The following ATP2C1 variants were observed in gnomAD, a reference collection of about 807,000 sequenced individuals.
The protein encoded by ATP2C1 is calcium-transporting ATPase type 2C member 1.
Under a neutral mutation model 120.5 loss-of-function variants are expected in ATP2C1, and 31 were observed. The observed-to-expected ratio is 0.26, with a 90% CI of 0.19 to 0.35. The LOEUF is 0.35. ATP2C1 is among the 10% of genes least tolerant of loss of function. The probability of loss-of-function intolerance (pLI) is 1.00; values close to 1 mark genes in which losing one functional copy is unlikely to be tolerated. For synonymous variants in ATP2C1, 351 were observed against 358.7 expected, an observed-to-expected ratio of 0.98 and a Z score of 0.24; for missense variants, 731 against 1,107.5, an observed-to-expected ratio of 0.66 and a Z score of 4.83.
chr3:130,969,775 A>G (rs941040329), intron 17 of ATP2C1, among the ~76,000 whole-genome samples: 1 of 152,164 alleles, frequency 6.6e-6, no homozygotes, highest in African/African-American at 2.4e-5. Flanking sequence ...GGAATGTCTT[A>G]TCTTTAGAAC....
intron 26 of ATP2C1, among the ~76,000 whole-genome samples, chr3:131,008,158 C>T (rs900563047): frequency 6.6e-6 from 1 of 152,086 alleles, no homozygotes; most frequent in African/African-American, 2.4e-5. Flanking sequence ...GAAACTATGG[C>T]CAGGCATGGT....
intron 2 of ATP2C1, among the ~76,000 whole-genome samples, chr3:130,924,462 T>C (rs1049385569): frequency 6.6e-6 from 1 of 152,204 alleles, no homozygotes; most frequent in Non-Finnish European, 1.5e-5. Context: ...TGATAGGTTT[T>C]TCTTTATAGG....
chr3:130,872,915 C>A (rs1238490523), intron 1 of ATP2C1, among the ~76,000 whole-genome samples: 1 of 152,028 alleles, frequency 6.6e-6, no homozygotes, highest in Non-Finnish European at 1.5e-5. Context: ...AGAAGATAAA[C>A]CCAAGGGATT....
intron 2 of ATP2C1, among the ~76,000 whole-genome samples, chr3:130,897,852 T>C (rs1459053645): frequency 1.3e-5 from 2 of 152,192 alleles, no homozygotes; most frequent in Non-Finnish European, 2.9e-5. Context: ...ATTTTTGGAC[T>C]ACTTAACATT....
At chr3:130,921,273 G>A (rs994616713) in intron 2 of ATP2C1, among the ~76,000 whole-genome samples, 1 of 151,698 alleles carries the variant, frequency 6.6e-6, no homozygotes, top group Non-Finnish European at 1.5e-5. Flanking sequence ...GTAGAGATGG[G>A]GTTTCACCAT....
intron 26 of ATP2C1, chr3:131,015,863 C>A: frequency 4.0e-6 from 2 of 499,134 alleles, no homozygotes; most frequent in Non-Finnish European, 7.3e-6. Context: ...CCAATGATTG[C>A]CTCCCCTCTC....
chr3:130,853,987 A>T (rs1406727969), intron 1 of ATP2C1, among the ~76,000 whole-genome samples: 1 of 152,178 alleles, frequency 6.6e-6, no homozygotes, highest in African/African-American at 2.4e-5. Flanking sequence ...CCTTGTTCAC[A>T]TATGCTTTAT....
intron 2 of ATP2C1, among the ~76,000 whole-genome samples, chr3:130,922,818 G>A (rs1033894071): frequency 2.6e-5 from 4 of 152,154 alleles, no homozygotes; most frequent in African/African-American, 9.7e-5. Context: ...TGGTCAGAGA[G>A]GATACTTCAT....
intron 2 of ATP2C1, among the ~76,000 whole-genome samples, chr3:130,929,067 A>G (rs2059339698): frequency 6.6e-6 from 1 of 152,172 alleles, no homozygotes; most frequent in Non-Finnish European, 1.5e-5. Context: ...CTAAGTTTTT[A>G]CATTTCTTAA....
chr3:130,930,642 C>A, intron 3 of ATP2C1, 116 bp downstream of exon 3: 1 of 763,702 alleles, frequency 1.3e-6, no homozygotes, highest in Non-Finnish European at 2.3e-6. Flanking sequence ...CTGTTCTGTG[C>A]CATTCAGCAT....
At chr3:131,001,083 A>G (rs902362059) in intron 27 of ATP2C1, 137 bp from the exon 28 acceptor site, 1 of 683,232 alleles carries the variant, frequency 1.5e-6, no homozygotes, top group Non-Finnish European at 2.3e-6. Context: ...AGCCTGGGTG[A>G]CAGAGCAAGA....
chr3:130,885,453 A>AT (rs2068942928), intron 1 of ATP2C1, among the ~76,000 whole-genome samples: 1 of 148,626 alleles, frequency 6.7e-6, no homozygotes, highest in Admixed American at 6.7e-5. Flanking sequence ...AGTGAAGGTG[A>AT]TTTTCTCTGG....
At chr3:130,917,762 TTGAC>T (rs1225288509) in intron 2 of ATP2C1, among the ~76,000 whole-genome samples, 3 of 152,256 alleles carry the variant, frequency 2.0e-5, no homozygotes, top group Non-Finnish European at 4.4e-5. Flanking sequence ...CTTATTCATC[TTGAC>T]TGACTGAAAC....
intron 13 of ATP2C1, among the ~76,000 whole-genome samples, chr3:130,964,609 T>A (rs1174854821): frequency 1.3e-5 from 2 of 152,034 alleles, no homozygotes; most frequent in African/African-American, 4.8e-5. Context: ...AAAATCCTGA[T>A]TGAAGAAATT....
intron 11 of ATP2C1, among the ~76,000 whole-genome samples, chr3:130,957,408 G>A (rs1342383830): frequency 2.0e-5 from 3 of 151,954 alleles, no homozygotes; most frequent in African/African-American, 7.3e-5. Flanking sequence ...CATTAATTCT[G>A]TAATCCAGTC....
intron 2 of ATP2C1, among the ~76,000 whole-genome samples, chr3:130,921,112 C>T (rs1160767272): frequency 2.2e-5 from 3 of 135,820 alleles, no homozygotes; most frequent in Non-Finnish European, 3.0e-5. Flanking sequence ...GACGGAGTCT[C>T]GCACAGTTTC....
intron 2 of ATP2C1, among the ~76,000 whole-genome samples, chr3:130,897,488 T>C (rs2069734284): frequency 6.6e-6 from 1 of 152,182 alleles, no homozygotes; most frequent in African/African-American, 2.4e-5. Flanking sequence ...CTTGGATGAA[T>C]TGAGTGATGC....
downstream of ATP2C1, among the ~76,000 whole-genome samples, chr3:131,003,387 C>T (rs1002102330): frequency 1.8e-4 from 27 of 152,306 alleles, no homozygotes; most frequent in Admixed American, 1.7e-3. Flanking sequence ...TACCCTATTT[C>T]CTAATCCTAG....
intron 2 of ATP2C1, among the ~76,000 whole-genome samples, chr3:130,921,662 C>T (rs753949146): frequency 4.0e-5 from 6 of 151,826 alleles, no homozygotes; most frequent in Non-Finnish European, 5.9e-5. Flanking sequence ...AATGAAAGGG[C>T]GTTGATTTTT....
Sources: allele counts gnomAD v4.1 joint callset (sites outside exome capture counted in the v4.1 genomes callset), GRCh38; gene constraint gnomAD v4.1.1; transcripts MANE v1.5; gene names NCBI Gene and HGNC (gene_info 2026-07-23, HGNC 2026-07-21).